Variants in GFRA3 observed in about 807,000 individuals in gnomAD.
GFRA3 encodes GDNF family receptor alpha 3.
GFRA3 carries 24 observed loss-of-function variants against 40.0 expected under a neutral mutation model. The ratio of observed to expected loss-of-function variants is 0.60; its 90% confidence interval spans 0.43 to 0.84. GFRA3 has a LOEUF of 0.84. Ranked by LOEUF, GFRA3 falls within the 40% of genes least tolerant of loss-of-function variation. The pLI, the probability that GFRA3 is intolerant of heterozygous loss-of-function variation, is 0.00. For synonymous variants in GFRA3, 203 were observed against 213.5 expected (o/e 0.95, Z 0.43); for missense variants, 405 against 530.6 (o/e 0.76, Z 2.33).
intron 4 of GFRA3, among the ~76,000 whole-genome samples, chr5:138,255,461 G>C (rs1755613154): frequency 6.6e-6 from 1 of 152,196 alleles, no homozygotes; most frequent in Admixed American, 6.5e-5. Flanking sequence ...ACACAGGAAA[G>C]CCAGATCAGA....
At chr5:138,258,544 G>A (rs756374983) in intron 3 of GFRA3, among the ~76,000 whole-genome samples, 21 of 151,930 alleles carry the variant, frequency 1.4e-4, no homozygotes, top group Non-Finnish European at 2.2e-4. Flanking sequence ...TATATGCATC[G>A]AACACCCATT....
chr5:138,269,547 A>C (rs559116924), intron 1 of GFRA3, among the ~76,000 whole-genome samples: 9 of 150,578 alleles, frequency 6.0e-5, no homozygotes, highest in South Asian at 2.1e-4. Flanking sequence ...AAAAAAAAAA[A>C]AACAAAAAAC....
chr5:138,259,463 C>G, intron 3 of GFRA3, 94 bp downstream of exon 3: 1 of 757,054 alleles, frequency 1.3e-6, no homozygotes, highest in Non-Finnish European at 2.5e-6. Flanking sequence ...AAACATTTCC[C>G]TTATAAGCTC....
intron 6 of GFRA3, 46 bp from the exon 7 acceptor site, chr5:138,253,421 G>T: frequency 7.5e-6 from 9 of 1,200,382 alleles, no homozygotes; most frequent in Non-Finnish European, 8.5e-6. Context: ...GGGGGCAGGA[G>T]ATTTCTCAGG....
chr5:138,254,325 C>T (rs1159097772), intron 4 of GFRA3, among the ~76,000 whole-genome samples, 165 bp from the exon 5 acceptor site: 1 of 151,948 alleles, frequency 6.6e-6, no homozygotes, highest in Non-Finnish European at 1.5e-5. Flanking sequence ...GTAGCTGGGA[C>T]TACAGTCACG....
chr5:138,257,193 A>G (rs1413930577), intron 4 of GFRA3, among the ~76,000 whole-genome samples: 1 of 152,136 alleles, frequency 6.6e-6, no homozygotes, highest in Non-Finnish European at 1.5e-5. Context: ...CCCAGGGTTT[A>G]AATTCAAACC....
At chr5:138,263,624 T>C (rs976644374) in intron 2 of GFRA3, among the ~76,000 whole-genome samples, 1 of 152,144 alleles carries the variant, frequency 6.6e-6, no homozygotes, top group African/African-American at 2.4e-5. Context: ...GAAGGGAACA[T>C]CCCAGACAGA....
intron 2 of GFRA3, among the ~76,000 whole-genome samples, chr5:138,262,007 C>T (rs138667732): frequency 3.5e-3 from 536 of 152,234 alleles, no homozygotes; most frequent in Middle Eastern, 0.01. Flanking sequence ...GAAAAAGAGG[C>T]ATGTCTTGAA....
chr5:138,274,586 GCGCGCGTCCACACCA>G lies in GFRA3; in HGVS notation c.-177_-163del, dbSNP rs1408171634. 1 of 1,226,758 alleles carries G rather than the reference GCGCGCGTCCACACCA, an allele frequency of 8.2e-7. No individual in the cohort carries two copies. Among genetic ancestry groups the G allele is most frequent in the Non-Finnish European group, 1.0e-6 (1 of 985,204 alleles). 76.0% of individuals were successfully genotyped at this position (1,226,758 alleles called of 1,614,324 possible). A position where few individuals can be genotyped will look rare whatever the true frequency, so the allele number is the denominator to read the frequency against. ...CTGGGCGCCGCCCTCCAACTCCGAAGCGCGCGTCCACACCACGCGCCTCCAGCGCTGGTCCGAGGG... is the reference window on the plus strand; with the variant it reads ...CTGGGCGCCGCCCTCCAACTCCGAAGCGCGCCTCCAGCGCTGGTCCGAGGG... On this transcript the variant is annotated 5_prime_UTR_variant, in exon 1 of 8. Coordinates refer to ENST00000274721, the MANE Select transcript of GFRA3 (RefSeq NM_001496.4).
rs1177090691 is a variant in GFRA3, at chr5:138,274,388, C to T, written c.37G>A (p.Val13Ile). The T allele has an allele frequency of 1.5e-6, 2 of 1,317,898 alleles. No homozygotes were observed. Among genetic ancestry groups the T allele is most frequent in the Admixed American group, 7.1e-5 (2 of 28,010 alleles). 81.6% of individuals were successfully genotyped at this position (1,317,898 alleles called of 1,614,324 possible). Residue 13 changes from valine to isoleucine, a missense_variant, in exon 1 of 8, where the codon GTA becomes ATA. Physicochemically the swap from Val to Ile is conservative, Grantham distance 29. Transcript: ENST00000274721. ...AGCAGCAGCAGCAACATCAGGACTA[C>T]GGGCGGCAGCGGTCGCGGGTTCAGG... is the stretch of plus-strand genomic sequence containing the variant. ...RPLNPRPLPP[V>I]VLMLLLLLPP... is the part of the protein sequence containing the mutation.
chr5:138,256,549 AC>A (rs1261146653), intron 4 of GFRA3, among the ~76,000 whole-genome samples: 1 of 128,656 alleles, frequency 7.8e-6, no homozygotes, highest in Non-Finnish European at 1.8e-5. Flanking sequence ...ACAAAAAAAA[AC>A]AAACAAAAAA....
At chr5:138,263,002 T>C (rs551076680) in intron 2 of GFRA3, among the ~76,000 whole-genome samples, 6 of 152,158 alleles carry the variant, frequency 3.9e-5, no homozygotes, top group Non-Finnish European at 7.3e-5. Context: ...TCTCGCTCTG[T>C]CGCCCAGGCT....
chr5:138,259,683 G>A, intron 2 of GFRA3, 34 bp from the exon 3 acceptor site: 1 of 901,338 alleles, frequency 1.1e-6, no homozygotes, highest in Non-Finnish European at 1.9e-6. Flanking sequence ...AGAATGCTGA[G>A]GACCAGGGTG....
chr5:138,274,270 C>G, intron 1 of GFRA3, 64 bp downstream of exon 1: 3 of 1,308,156 alleles, frequency 2.3e-6, no homozygotes, highest in Non-Finnish European at 2.9e-6. Flanking sequence ...GTGCCCCGGG[C>G]CTCGCCTACA....
chr5:138,258,496 G>A (rs1755667999), intron 3 of GFRA3, among the ~76,000 whole-genome samples: 1 of 151,840 alleles, frequency 6.6e-6, no homozygotes, highest in African/African-American at 2.4e-5. Flanking sequence ...TCCTCATCTT[G>A]ACTACGTAAA....
At chr5:138,272,638 G>A (rs1381080634) in intron 1 of GFRA3, among the ~76,000 whole-genome samples, 3 of 130,580 alleles carry the variant, frequency 2.3e-5, no homozygotes, top group African/African-American at 7.6e-5. Flanking sequence ...TTGATACCCT[G>A]TCTCAAAAAA....
rs66792829 is a variant in GFRA3 at position 138,258,166 on chromosome 5, C to CTTTTTTT, written c.473-222_473-216dup. Among the ~76,000 whole-genome samples the CTTTTTTT allele has an allele frequency of 5.8e-3, 300 of 51,650 alleles. 38 individuals are homozygous for CTTTTTTT. Among genetic ancestry groups the CTTTTTTT allele is most frequent in the Non-Finnish European group, 7.2e-3 (215 of 30,044 alleles). The allele number at this position is 51,650 out of a possible 152,430, so 33.9% of individuals were successfully genotyped here. A position where few individuals can be genotyped will look rare whatever the true frequency, so the allele number is the denominator to read the frequency against. On this transcript the variant is annotated intron_variant, in intron 3 of 7. Transcript: ENST00000274721. The stretch of plus-strand genomic sequence containing the variant: ...TTGAAGCCTTCCCCACCCTACTCCT[C>CTTTTTTT]TTTTTTTTTTTTTTTTTTTTTTTTT...
chr5:138,265,402 G>C (rs764065396), intron 1 of GFRA3, among the ~76,000 whole-genome samples: 42 of 152,084 alleles, frequency 2.8e-4, no homozygotes, highest in Non-Finnish European at 5.0e-4. Context: ...ATTTTTAGTA[G>C]AGACGGGGTT....
rs946002148 is a variant in GFRA3 at position 138,252,735 on chromosome 5, T to A, written c.*233A>T. 3.0e-5 allele frequency: 13 copies of A among 435,842 alleles called. No homozygotes were observed. In the Admixed American group the frequency reaches 4.3e-4, roughly 15 times the overall value. 27.0% of individuals were successfully genotyped at this position (435,842 alleles called of 1,614,324 possible). A position where few individuals can be genotyped will look rare whatever the true frequency, so the allele number is the denominator to read the frequency against. ...CTTGGTGGAGCTGGTCACCACCAGA[T>A]GACATGGCTAAATTGTGGCCACCAA... On this transcript the variant is annotated 3_prime_UTR_variant, in exon 8 of 8. Transcript: ENST00000274721.
Sources: gnomAD v4.1 joint callset for allele counts (sites outside exome capture counted in the v4.1 genomes callset) on GRCh38, gnomAD v4.1.1 for gene constraint, MANE v1.5 for transcripts, NCBI Gene and HGNC (gene_info 2026-07-23, HGNC 2026-07-21) for gene names.